The following SPINK4 variants were observed in gnomAD, a reference collection of about 807,000 sequenced individuals.
SPINK4 encodes the protein serine protease inhibitor Kazal-type 4.
SPINK4 carries 10 observed loss-of-function variants against 12.3 expected under a neutral mutation model. The observed-to-expected ratio is 0.81, with a 90% confidence interval of 0.50 to 1.37. The LOEUF is 1.37. Ranked by LOEUF, SPINK4 falls within the 40% of genes most tolerant of loss-of-function variation. The pLI, the probability that SPINK4 is intolerant of heterozygous loss-of-function variation, is 0.00. For missense variants in SPINK4, 91 were observed against 109.0 expected (o/e 0.84, Z 0.73); for synonymous variants, 37 against 40.2 (o/e 0.92, Z 0.30).
chr9:33,242,137 C>T (rs1196297508), intron 1 of SPINK4, among the ~76,000 whole-genome samples: 1 of 152,204 alleles, frequency 6.6e-6, no homozygotes, highest in East Asian at 1.9e-4. Flanking sequence ...CTCGGCTTCC[C>T]AAGGTGCTGG....
intron 2 of SPINK4, among the ~76,000 whole-genome samples, chr9:33,245,968 C>T (rs1009533758): frequency 2.6e-5 from 4 of 152,158 alleles, no homozygotes; most frequent in South Asian, 2.1e-4. Flanking sequence ...ACGGTTGCAC[C>T]GCACAACCTT....
At chr9:33,248,314 T>A (rs1587781760) in intron 3 of SPINK4, 112 bp from the exon 4 acceptor site, 2 of 1,068,580 alleles carry the variant, frequency 1.9e-6, no homozygotes, top group East Asian at 4.9e-5. Flanking sequence ...ATCCATACAC[T>A]GCATATGTGG....
intron 1 of SPINK4, among the ~76,000 whole-genome samples, chr9:33,242,693 G>T (rs1414674087): frequency 1.3e-5 from 2 of 152,098 alleles, no homozygotes; most frequent in African/African-American, 4.8e-5. Context: ...ATCAAGAAAT[G>T]CACAAATCTT....
At chr9:33,244,688 A>G (rs1301494852) in intron 1 of SPINK4, among the ~76,000 whole-genome samples, 1 of 152,142 alleles carries the variant, frequency 6.6e-6, no homozygotes, top group African/African-American at 2.4e-5. Context: ...GACTTGCGCG[A>G]GGGCTCTTGA....
intron 3 of SPINK4, among the ~76,000 whole-genome samples, chr9:33,247,439 A>G (rs1426102358): frequency 6.6e-6 from 1 of 151,914 alleles, no homozygotes; most frequent in Non-Finnish European, 1.5e-5. Context: ...AAGTGCTAGG[A>G]TTACAGGCAT....
intron 2 of SPINK4, among the ~76,000 whole-genome samples, chr9:33,246,218 G>A (rs1028401075): frequency 3.4e-5 from 5 of 147,866 alleles, no homozygotes; most frequent in South Asian, 2.1e-4. Flanking sequence ...GGGTGGTTCC[G>A]TATCCTGGGG....
chr9:33,241,863 A>AT (rs200268998), intron 1 of SPINK4, among the ~76,000 whole-genome samples: 38 of 148,314 alleles, frequency 2.6e-4, no homozygotes, highest in South Asian at 8.6e-4. Context: ...ATACACTTTA[A>AT]TTTTTTTTTT....
chr9:33,240,294 C>T, intron 1 of SPINK4, 25 bp downstream of exon 1: 1 of 1,582,520 alleles, frequency 6.3e-7, no homozygotes, highest in South Asian at 1.2e-5. Context: ...CCTGGATTCT[C>T]TGTGGCTTTG....
intron 1 of SPINK4, among the ~76,000 whole-genome samples, 198 bp from the exon 2 acceptor site, chr9:33,244,914 T>C (rs1820271133): frequency 6.6e-6 from 1 of 152,146 alleles, no homozygotes; most frequent in African/African-American, 2.4e-5. Context: ...ATTTTTGAAT[T>C]TCTGTCTCTG....
chr9:33,248,541 A>G lies in SPINK4; in HGVS notation c.*70A>G, dbSNP rs952937858. The G allele has an allele frequency of 2.5e-6, 4 of 1,579,334 alleles. No individual in the cohort carries two copies. The highest frequency in any genetic ancestry group is 3.5e-6 in the Non-Finnish European group (4 of 1,153,622). On this transcript the variant is annotated 3_prime_UTR_variant, in exon 4 of 4. Coordinates refer to ENST00000379721, the MANE Select transcript of SPINK4 (RefSeq NM_014471.3). ...GTGGTGGGCATGGAGAGGATATGAC[A>G]TGAAATAAAAGATCCAGCCCAACTG...
In SPINK4 at chr9:33,246,676, G is replaced by A. The variant is rs780472981; in HGVS notation, c.163G>A (p.Gly55Ser). ...TTCCCAGATGTCCAACCTGGTCTGC[G>A]GCACTGATGGGCTCACATATACGAA... ...TCSQMSNLVC[G>S]TDGLTYTNEC... Residue 55 changes from glycine (G) to serine (S), a missense_variant, in exon 3 of 4, where the codon GGC (glycine) becomes AGC (serine). Physicochemically the swap from Gly to Ser is moderately conservative, Grantham distance 56. Coordinates refer to ENST00000379721, the MANE Select transcript of SPINK4 (RefSeq NM_014471.3). 2.6e-5 allele frequency: 42 copies of A among 1,613,898 alleles called. No individual in the cohort carries two copies. The highest frequency in any genetic ancestry group is 3.0e-5 in the Non-Finnish European group (35 of 1,180,024).
intron 2 of SPINK4, 52 bp from the exon 3 acceptor site, chr9:33,246,564 C>T: frequency 6.6e-7 from 1 of 1,517,000 alleles, no homozygotes; most frequent in Non-Finnish European, 9.1e-7. Context: ...CCCTGTATCC[C>T]TCCCCACTGC....
chr9:33,246,072 C>T (rs1320721306), intron 2 of SPINK4, among the ~76,000 whole-genome samples: 1 of 152,178 alleles, frequency 6.6e-6, no homozygotes, highest in Non-Finnish European at 1.5e-5. Flanking sequence ...CAGACAGCCT[C>T]AATTAAGCCC....
At position 33,248,430 on chromosome 9, in the gene SPINK4, A is replaced by C. The variant is rs761483662; in HGVS notation, c.220A>C (p.Thr74Pro). The C allele has an allele frequency of 6.2e-7, 1 of 1,614,004 alleles. No homozygotes were observed. Among genetic ancestry groups the C allele is most frequent in the East Asian group, 2.2e-5 (1 of 44,884 alleles). The change falls in exon 4 of 4, where the codon ACC becomes CCC. Residue 74 changes from threonine to proline, a missense_variant. Coordinates refer to ENST00000379721, the MANE Select transcript of SPINK4 (RefSeq NM_014471.3). ...ECQLCLARIK[T>P]KQDIQIMKDG... ...GCCTGTCTTCTTTGATCCTAGAAAA[A>C]CCAAACAGGACATCCAGATCATGAA...
rs1249413424 is a variant in SPINK4, at chr9:33,248,432, C to G, written c.222C>G (p.Thr74=). 6.2e-7 allele frequency: 1 copy of G among 1,613,958 alleles called. No individual in the cohort carries two copies. Among genetic ancestry groups the G allele is most frequent in the Non-Finnish European group, 8.5e-7 (1 of 1,180,024 alleles). ...CTGTCTTCTTTGATCCTAGAAAAAC[C>G]AAACAGGACATCCAGATCATGAAAG... ...ECQLCLARIK[T]KQDIQIMKDG... The change falls in exon 4 of 4, where the codon ACC becomes ACG. Residue 74 remains threonine (T), a synonymous_variant. Coordinates refer to ENST00000379721, the MANE Select transcript of SPINK4 (RefSeq NM_014471.3).
intron 1 of SPINK4, among the ~76,000 whole-genome samples, chr9:33,243,266 T>A (rs919216516): frequency 2.0e-5 from 3 of 151,954 alleles, no homozygotes; most frequent in African/African-American, 7.3e-5. Flanking sequence ...AGATATGGGG[T>A]TTCACCATGT....
At chr9:33,248,304 A>G in intron 3 of SPINK4, 122 bp from the exon 4 acceptor site, 1 of 928,956 alleles carries the variant, frequency 1.1e-6, no homozygotes. Flanking sequence ...TCTGCCCTGT[A>G]TCCATACACT....
chr9:33,246,569 C>T (rs1820287030), intron 2 of SPINK4, 47 bp from the exon 3 acceptor site: 2 of 1,540,378 alleles, frequency 1.3e-6, no homozygotes, highest in East Asian at 2.2e-5. Flanking sequence ...TATCCCTCCC[C>T]ACTGCCTCTG....
chr9:33,247,324 A>ATT (rs796700873), intron 3 of SPINK4, among the ~76,000 whole-genome samples: 3 of 140,058 alleles, frequency 2.1e-5, no homozygotes, highest in South Asian at 2.3e-4. Flanking sequence ...CACCTGGCTA[A>ATT]TTTTTTTTTT....
Sources: allele counts gnomAD v4.1 joint callset (sites outside exome capture counted in the v4.1 genomes callset), GRCh38; gene constraint gnomAD v4.1.1; transcripts MANE v1.5; gene names NCBI Gene and HGNC (gene_info 2026-07-23, HGNC 2026-07-21).